The following GALNS variants were observed in gnomAD, a reference collection of about 807,000 sequenced individuals.
GALNS encodes the protein galactosamine (N-acetyl)-6-sulfatase.
A neutral mutation model predicts 65.9 loss-of-function variants in GALNS; 65 were observed. The ratio of observed to expected loss-of-function variants is 0.99; its 90% confidence interval spans 0.81 to 1.21. The LOEUF is 1.21. Ranked by LOEUF, GALNS falls within the 50% of genes most tolerant of loss-of-function variation. The pLI is 0.00. For missense variants in GALNS, 776 were observed against 700.7 expected (o/e 1.11, Z -1.21); for synonymous variants, 346 against 288.9 (o/e 1.20, Z -2.00).
chr16:88,832,392 C>G (rs1444545037), intron 8 of GALNS, among the ~76,000 whole-genome samples: 1 of 152,210 alleles, frequency 6.6e-6, no homozygotes, highest in African/African-American at 2.4e-5. Flanking sequence ...AGCAGAGGCC[C>G]TGGGTGCCAC....
At position 88,834,634 on chromosome 16, in the gene GALNS, G is replaced by GC. The variant is rs148250960; in HGVS notation, c.898+578dup. Among the ~76,000 whole-genome samples the GC allele has an allele frequency of 4.0e-3, 276 of 69,354 alleles. 21 individuals carry two copies. Among genetic ancestry groups the GC allele is most frequent in the East Asian group, 0.037 (29 of 780 alleles). 45.5% of individuals were successfully genotyped at this position (69,354 alleles called of 152,430 possible). A position where few individuals can be genotyped will look rare whatever the true frequency, so the allele number is the denominator to read the frequency against. ...GTGTGGTCTGGGAAGAGGCTGCAGG[G>GC]CCCCCCCCCGCGTGGTCTGGGAAGA... On this transcript the variant is annotated intron_variant, in intron 8 of 13. Coordinates refer to ENST00000268695, the MANE Select transcript of GALNS (RefSeq NM_000512.5).
At chr16:88,822,769 C>T (rs1910375643) in intron 11 of GALNS, 59 bp from the exon 12 acceptor site, 1 of 1,590,760 alleles carries the variant, frequency 6.3e-7, no homozygotes, top group African/African-American at 1.3e-5. Context: ...CGTGAGGGGC[C>T]TCGTCTGCCC....
intron 12 of GALNS, among the ~76,000 whole-genome samples, 184 bp from the exon 13 acceptor site, chr16:88,818,308 A>G (rs1909852619): frequency 6.6e-6 from 1 of 152,158 alleles, no homozygotes; most frequent in African/African-American, 2.4e-5. Context: ...CAGGCACCCG[A>G]GCCATCCTCT....
chr16:88,846,790 G>A (rs1967266995), intron 1 of GALNS, among the ~76,000 whole-genome samples: 1 of 152,020 alleles, frequency 6.6e-6, no homozygotes, highest in Non-Finnish European at 1.5e-5. Flanking sequence ...TGATCTGCCT[G>A]CCTTGGCCTC....
intron 1 of GALNS, chr16:88,843,733 C>T (rs180852000): frequency 1.8e-3 from 274 of 148,538 alleles, no homozygotes; most frequent in Non-Finnish European, 2.4e-3. Flanking sequence ...CTCCAGAATC[C>T]GGCAAGAATC....
intron 12 of GALNS, among the ~76,000 whole-genome samples, chr16:88,819,813 C>T (rs553581025): frequency 1.6e-3 from 244 of 152,138 alleles, no homozygotes; most frequent in Non-Finnish European, 2.7e-3. Flanking sequence ...CCTGCCTCAG[C>T]CTCCTGAGTA....
chr16:88,826,836 C>T lies in GALNS; in HGVS notation c.1005G>A (p.Val335=). The change falls in exon 10 of 14, where the codon GTG becomes GTA. Residue 335 remains valine (V), a splice_region_variant and synonymous_variant. Transcript: ENST00000268695. The part of the protein sequence containing the change: ...WWPGHVTAGQ[V]SHQLGSIMDL... ...CCATGATGCTGCCCAGCTGGTGGCT[C>T]ACCTGAAACACATGGCAGCAACACG... 2 of 1,575,660 alleles carry T rather than the reference C, an allele frequency of 1.3e-6. No homozygotes were observed. The highest frequency in any genetic ancestry group is 1.7e-6 in the Non-Finnish European group (2 of 1,161,398).
At position 88,856,922 on chromosome 16, in the gene GALNS, G is replaced by GCGAGCGTCCGCCGGCCCTTC; in HGVS notation, c.-65_-46dup. 6.7e-7 allele frequency: 1 copy of GCGAGCGTCCGCCGGCCCTTC among 1,483,162 alleles called. No individual in the cohort carries two copies. Among genetic ancestry groups the GCGAGCGTCCGCCGGCCCTTC allele is most frequent in the Non-Finnish European group, 8.9e-7 (1 of 1,125,074 alleles). The allele number at this position is 1,483,162 out of a possible 1,614,324, so 91.9% of individuals were successfully genotyped here. ...GAGCCCCGGCCAGCGAGCCGACCTA[G>GCGAGCGTCCGCCGGCCCTTC]CGAGCGTCCGCCGGCCCTTCCGGCT... On this transcript the variant is annotated 5_prime_UTR_variant, in exon 1 of 14. Coordinates refer to ENST00000268695, the MANE Select transcript of GALNS (RefSeq NM_000512.5).
chr16:88,841,554 C>T (rs556266295), intron 3 of GALNS, among the ~76,000 whole-genome samples: 203 of 152,338 alleles, frequency 1.3e-3, no homozygotes, highest in African/African-American at 4.5e-3. Flanking sequence ...CCCTCAAGCA[C>T]AGCGATTCCA....
At chr16:88,851,299 A>G (rs906801099) in intron 1 of GALNS, among the ~76,000 whole-genome samples, 1 of 152,106 alleles carries the variant, frequency 6.6e-6, no homozygotes, top group Non-Finnish European at 1.5e-5. Context: ...GGATCGCTTG[A>G]GCTCAGGAAG....
chr16:88,856,105 T>C, intron 1 of GALNS: 1 of 695,020 alleles, frequency 1.4e-6, no homozygotes. Flanking sequence ...CACAAGGAGT[T>C]AGGGAAGGAG....
chr16:88,854,636 C>T (rs1009001917), intron 1 of GALNS, among the ~76,000 whole-genome samples: 7 of 152,330 alleles, frequency 4.6e-5, no homozygotes, highest in African/African-American at 1.7e-4. Flanking sequence ...ACGGGCAGAG[C>T]CAACCTCCCA....
At chr16:88,839,637 A>AC (rs977235905) in intron 4 of GALNS, among the ~76,000 whole-genome samples, 40 of 151,016 alleles carry the variant, frequency 2.6e-4, no homozygotes, top group African/African-American at 8.0e-4. Context: ...TGGGATAGGG[A>AC]CCCCCCCACC....
rs533197731 is a variant in GALNS, at chr16:88,817,564, G to A, written c.1482+443C>T. ...CACCCGGGACCCACCGGGCAGTGCC[G>A]TTCCTGCCTCGGTGCCTTCAGAGCC... On this transcript the variant is annotated intron_variant, in intron 13 of 13. Transcript: ENST00000268695. The A allele has an allele frequency of 1.4e-4, 135 of 973,140 alleles. No individual in the cohort carries two copies. In the South Asian group the frequency reaches 2.4e-3, roughly 17 times the overall value. 60.3% of individuals were successfully genotyped at this position (973,140 alleles called of 1,614,324 possible).
intron 4 of GALNS, 40 bp from the exon 5 acceptor site, chr16:88,837,805 G>A (rs942438961): frequency 1.9e-6 from 3 of 1,610,028 alleles, no homozygotes; most frequent in East Asian, 2.2e-5. Context: ...GACCCCACGT[G>A]GGGACACTCG....
chr16:88,853,919 G>A (rs1030624620), intron 1 of GALNS, among the ~76,000 whole-genome samples: 2 of 152,200 alleles, frequency 1.3e-5, no homozygotes, highest in Non-Finnish European at 2.9e-5. Flanking sequence ...CGACTCTGGG[G>A]GCAATGGTTC....
chr16:88,842,488 A>G (rs1967021845), intron 2 of GALNS: 1 of 617,104 alleles, frequency 1.6e-6, no homozygotes, highest in Non-Finnish European at 2.8e-6. Flanking sequence ...ACAATACCGC[A>G]ACTTCGACCC....
chr16:88,843,316 G>A (rs1210999851), intron 1 of GALNS: 25 of 778,304 alleles, frequency 3.2e-5, no homozygotes, highest in Non-Finnish European at 4.6e-5. Context: ...GTTCCACGCT[G>A]CAACTCCACT....
chr16:88,836,212 T>C lies in GALNS; in HGVS notation c.622A>G (p.Ile208Val). ...GCGGTCCCCATCACCTGCAGGTAGA[T>C]CTGGGTGAGGTTGGCTTCCCCCGTC... is the stretch of plus-strand genomic sequence containing the variant. ...LKTGEANLTQ[I>V]YLQEALDFIK... Residue 208 changes from isoleucine (I) to valine (V), a missense_variant, in exon 6 of 14, where the codon ATC (isoleucine) becomes GTC (valine). Physicochemically the swap from Ile to Val is conservative, Grantham distance 29. Coordinates refer to ENST00000268695, the MANE Select transcript of GALNS (RefSeq NM_000512.5). 1.2e-6 allele frequency: 2 copies of C among 1,613,496 alleles called. No homozygotes were observed. The highest frequency in any genetic ancestry group is 1.7e-6 in the Non-Finnish European group (2 of 1,179,748).
Sources: allele counts gnomAD v4.1 joint callset (sites outside exome capture counted in the v4.1 genomes callset), GRCh38; gene constraint gnomAD v4.1.1; transcripts MANE v1.5; gene names NCBI Gene and HGNC (gene_info 2026-07-23, HGNC 2026-07-21).